SEC24D: variants seen among roughly 807,000 people sequenced by gnomAD.
SEC24D encodes the protein protein transport protein Sec24D.
A neutral mutation model predicts 116.9 loss-of-function variants in SEC24D; 69 were observed. The ratio of observed to expected loss-of-function variants is 0.59; its 90% CI spans 0.49 to 0.72. SEC24D has a LOEUF of 0.72. Among genes scored for constraint, SEC24D ranks in the 30% least tolerant of loss-of-function variants. The pLI, the probability that SEC24D is intolerant of heterozygous loss-of-function variation, is 0.00. For missense variants in SEC24D, 1,131 were observed against 1,264.1 expected, an observed-to-expected ratio of 0.89 and a Z score of 1.60; for synonymous variants, 405 against 442.8, an observed-to-expected ratio of 0.91 and a Z score of 1.07.
At chr4:118,791,735 G>A (rs12506295) in intron 8 of SEC24D, among the ~76,000 whole-genome samples, 46,691 of 151,960 alleles carry the variant, frequency 0.31, 8,337 homozygotes, top group East Asian at 0.45. Context: ...CGTGCTGGCC[G>A]GGCTGGTCTC....
chr4:118,746,896 G>A (rs766966259), intron 13 of SEC24D, among the ~76,000 whole-genome samples: 1 of 152,120 alleles, frequency 6.6e-6, no homozygotes, highest in Non-Finnish European at 1.5e-5. Context: ...GTGGGTCAGA[G>A]AGGTGAAGAC....
At chr4:118,776,915 T>C (rs995503685) in intron 8 of SEC24D, among the ~76,000 whole-genome samples, 4 of 152,034 alleles carry the variant, frequency 2.6e-5, no homozygotes, top group Non-Finnish European at 4.4e-5. Context: ...AGCTTTCCAC[T>C]CCTCAAAGGA....
chr4:118,749,856 C>T (rs552508547), intron 13 of SEC24D, among the ~76,000 whole-genome samples: 3 of 152,226 alleles, frequency 2.0e-5, no homozygotes, highest in East Asian at 3.9e-4. Flanking sequence ...ATTGACATTA[C>T]GTCCAACAGT....
chr4:118,764,851 T>G lies in SEC24D; in HGVS notation c.1247A>C (p.Glu416Ala). 1.2e-6 allele frequency: 2 copies of G among 1,611,382 alleles called. No homozygotes were observed. The highest frequency in any genetic ancestry group is 1.7e-6 in the Non-Finnish European group (2 of 1,177,734). The change falls in exon 10 of 23, where the codon GAG (glutamate) becomes GCG (alanine). Residue 416 changes from glutamate (E) to alanine (A), a missense_variant. Physicochemically the swap from Glu to Ala is moderately radical, Grantham distance 107. Coordinates refer to ENST00000280551, the MANE Select transcript of SEC24D (RefSeq NM_014822.4). Reference protein sequence around the residue: ...GRRLDHYEKPELSLGSYEYVA... With the variant: ...GRRLDHYEKPALSLGSYEYVA... ...ATATTCATAAGATCCTAGAGATAAC[T>G]CTGGTTTCTCATAGTGGTCCAGTCT...
chr4:118,821,401 T>G (rs957826209), intron 3 of SEC24D, among the ~76,000 whole-genome samples: 1 of 152,222 alleles, frequency 6.6e-6, no homozygotes, highest in Non-Finnish European at 1.5e-5. Flanking sequence ...GCAGATTTTA[T>G]TTAATATCCT....
intron 8 of SEC24D, among the ~76,000 whole-genome samples, chr4:118,791,548 C>T (rs986815325): frequency 9.8e-5 from 15 of 152,288 alleles, no homozygotes; most frequent in African/African-American, 3.4e-4. Context: ...TCCTCTCTCT[C>T]CCTCCACGGT....
chr4:118,727,770 G>A (rs927751434), intron 22 of SEC24D, among the ~76,000 whole-genome samples: 12 of 152,060 alleles, frequency 7.9e-5, no homozygotes, highest in Non-Finnish European at 1.8e-4. Context: ...TAGAAAAGTT[G>A]TGTATTCATC....
chr4:118,827,287 T>C (rs146710818), intron 2 of SEC24D, among the ~76,000 whole-genome samples: 73 of 152,316 alleles, frequency 4.8e-4, no homozygotes, highest in African/African-American at 1.6e-3. Flanking sequence ...GTATCACTGA[T>C]ATCTGCAAAG....
At chr4:118,775,170 G>A (rs558194896) in intron 8 of SEC24D, among the ~76,000 whole-genome samples, 1 of 152,066 alleles carries the variant, frequency 6.6e-6, no homozygotes, top group South Asian at 2.1e-4. Context: ...TCAAAACCAC[G>A]ACTACATTCT....
intron 8 of SEC24D, among the ~76,000 whole-genome samples, chr4:118,772,930 C>T (rs1727969039): frequency 2.0e-5 from 3 of 152,076 alleles, no homozygotes; most frequent in Non-Finnish European, 4.4e-5. Context: ...ACACTCAGAA[C>T]ATTGCTGGGT....
At chr4:118,792,214 C>G in intron 8 of SEC24D, among the ~76,000 whole-genome samples, 1 of 151,428 alleles carries the variant, frequency 6.6e-6, no homozygotes, top group South Asian at 2.1e-4. Context: ...TCTGACCGGC[C>G]GCCCCGTCTG....
rs527615859 is a variant in SEC24D at position 118,805,056 on chromosome 4, G to C, written c.913+787C>G. 2.0e-5 allele frequency among the ~76,000 whole-genome samples: 3 copies of C among 151,890 alleles called. No individual in the cohort carries two copies. The South Asian group carries it at 6.2e-4, about 31-fold the overall frequency. ...GAGGTGAAATGGACAAAGCTCACTT[G>C]GGCAGTAAGGAGTGGAGTCTGAATT... On this transcript the variant is annotated intron_variant, in intron 7 of 22. Transcript: ENST00000280551.
intron 3 of SEC24D, among the ~76,000 whole-genome samples, chr4:118,822,576 A>AT (rs1369820121): frequency 2.0e-5 from 3 of 151,854 alleles, no homozygotes; most frequent in South Asian, 2.1e-4. Flanking sequence ...GTTTACAACA[A>AT]TTTTTTTTGC....
At chr4:118,748,007 T>C (rs1199049048) in intron 13 of SEC24D, among the ~76,000 whole-genome samples, 1 of 152,222 alleles carries the variant, frequency 6.6e-6, no homozygotes, top group Non-Finnish European at 1.5e-5. Context: ...GGCTCAGGCC[T>C]GTAATCCCAG....
intron 20 of SEC24D, among the ~76,000 whole-genome samples, chr4:118,732,122 G>GT (rs1315123266): frequency 6.6e-6 from 1 of 151,996 alleles, no homozygotes; most frequent in African/African-American, 2.4e-5. Flanking sequence ...GAGCAAAGAA[G>GT]TAATACGAGC....
rs1259974933 is a variant in SEC24D at position 118,731,345 on chromosome 4, G to A, written c.2839C>T (p.Pro947Ser). 10 of 1,613,726 alleles carry A rather than the reference G, an allele frequency of 6.2e-6. No homozygotes were observed. Among genetic ancestry groups the A allele is most frequent in the Non-Finnish European group, 7.6e-6 (9 of 1,179,818 alleles). Residue 947 changes from proline to serine, a missense_variant, in exon 21 of 23, where the codon CCA becomes TCA. Transcript: ENST00000280551. ...PELIQGIFNV[P>S]SFAHINTDMT... ...TCTGTGTTGATATGTGCAAAAGATG[G>A]CACATTAAATATTCCTTGGATCAGT...
At chr4:118,806,445 G>A (rs772922766) in intron 6 of SEC24D, among the ~76,000 whole-genome samples, 8 of 151,582 alleles carry the variant, frequency 5.3e-5, no homozygotes, top group Non-Finnish European at 1.0e-4. Flanking sequence ...AAGCCATTCC[G>A]AGTAGCTGGG....
intron 8 of SEC24D, among the ~76,000 whole-genome samples, chr4:118,787,570 T>C (rs191347543): frequency 1.3e-3 from 196 of 152,256 alleles, no homozygotes; most frequent in African/African-American, 4.1e-3. Context: ...CCCGGCACTT[T>C]GGGAGGCCGA....
intron 15 of SEC24D, among the ~76,000 whole-genome samples, chr4:118,741,783 C>A (rs114290464): frequency 6.6e-6 from 1 of 152,192 alleles, no homozygotes; most frequent in African/African-American, 2.4e-5. Context: ...ACAATCTTTA[C>A]AATAATCCCT....
Sources: gnomAD v4.1 joint callset for allele counts (sites outside exome capture counted in the v4.1 genomes callset) on GRCh38, gnomAD v4.1.1 for gene constraint, MANE v1.5 for transcripts, NCBI Gene and HGNC (gene_info 2026-07-23, HGNC 2026-07-21) for gene names.